The following KCTD1 variants were observed in gnomAD, a reference collection of about 807,000 sequenced individuals.
KCTD1 encodes the protein BTB/POZ domain-containing protein KCTD1.
In KCTD1, 24 loss-of-function variants were observed where a neutral mutation model predicts 66.0. The ratio of observed to expected loss-of-function variants is 0.36; its 90% CI spans 0.26 to 0.51. The LOEUF (loss-of-function observed/expected upper bound fraction) is 0.51. Among genes scored for constraint, KCTD1 ranks in the 20% least tolerant of loss-of-function variants. The pLI is 0.95. For synonymous variants in KCTD1, 511 were observed against 517.2 expected, an observed-to-expected ratio of 0.99 and a Z score of 0.16; for missense variants, 943 against 1,205.2, an observed-to-expected ratio of 0.78 and a Z score of 3.22.
At chr18:26,584,670 G>A (rs1040976746) in intron 1 of KCTD1, among the ~76,000 whole-genome samples, 1 of 152,164 alleles carries the variant, frequency 6.6e-6, no homozygotes, top group Admixed American at 6.5e-5. Flanking sequence ...AGGAATATGA[G>A]AAGTGCTGAG....
chr18:26,581,983 T>C (rs930930050), intron 1 of KCTD1, among the ~76,000 whole-genome samples: 1 of 151,580 alleles, frequency 6.6e-6, no homozygotes, highest in African/African-American at 2.4e-5. Flanking sequence ...AGTATGCAAA[T>C]AGGGCTGGGC....
At chr18:26,513,197 C>T (rs1162111804) in intron 1 of KCTD1, among the ~76,000 whole-genome samples, 2 of 151,350 alleles carry the variant, frequency 1.3e-5, no homozygotes, top group African/African-American at 2.4e-5. Flanking sequence ...ACGCCATTCT[C>T]CTGCCTCAGC....
intron 1 of KCTD1, among the ~76,000 whole-genome samples, chr18:26,613,950 C>A (rs748687784): frequency 1.3e-5 from 2 of 152,200 alleles, no homozygotes; most frequent in Non-Finnish European, 2.9e-5. Context: ...CTGAGCAAGG[C>A]CTTCCCTGCC....
At chr18:26,604,477 C>T (rs945371311) in intron 1 of KCTD1, among the ~76,000 whole-genome samples, 3 of 152,118 alleles carry the variant, frequency 2.0e-5, no homozygotes, top group Non-Finnish European at 2.9e-5. Flanking sequence ...TACTGCAGGA[C>T]TATTCACAAT....
chr18:26,460,930 A>G (rs1980386744), intron 3 of KCTD1: 2 of 152,236 alleles, frequency 1.3e-5, no homozygotes, highest in African/African-American at 2.4e-5. Context: ...TGGGTGTAAG[A>G]TAAGTGGATA....
At chr18:26,555,627 T>G (rs1413209095) in intron 1 of KCTD1, among the ~76,000 whole-genome samples, 1 of 152,216 alleles carries the variant, frequency 6.6e-6, no homozygotes, top group African/African-American at 2.4e-5. Context: ...CAAATGAATT[T>G]TGTGGTATAT....
intron 1 of KCTD1, among the ~76,000 whole-genome samples, chr18:26,649,177 C>T (rs1487818601): frequency 2.0e-5 from 3 of 152,232 alleles, no homozygotes; most frequent in African/African-American, 4.8e-5. Context: ...CCTGGCAGCA[C>T]GTGACTGCCT....
At chr18:26,502,723 C>T (rs931597307) in intron 1 of KCTD1, among the ~76,000 whole-genome samples, 5 of 152,194 alleles carry the variant, frequency 3.3e-5, no homozygotes, top group Non-Finnish European at 7.4e-5. Flanking sequence ...CGATGACACA[C>T]GTATACTCTC....
intron 1 of KCTD1, among the ~76,000 whole-genome samples, chr18:26,603,149 G>T (rs1316234340): frequency 6.6e-6 from 1 of 152,154 alleles, no homozygotes; most frequent in African/African-American, 2.4e-5. Context: ...TTAAATGTAG[G>T]CCAGGCCCAG....
intron 1 of KCTD1, among the ~76,000 whole-genome samples, chr18:26,594,445 C>T (rs758084802): frequency 4.9e-4 from 75 of 152,096 alleles, no homozygotes; most frequent in South Asian, 1.2e-3. Flanking sequence ...TTATATTTAA[C>T]AAATTAAGTC....
intron 1 of KCTD1, among the ~76,000 whole-genome samples, chr18:26,540,378 A>G (rs1052730581): frequency 6.6e-6 from 1 of 152,172 alleles, no homozygotes; most frequent in East Asian, 1.9e-4. Flanking sequence ...CCCAGAATGG[A>G]TCAAAACCTT....
At chr18:26,654,998 C>G (rs1988102960) in intron 1 of KCTD1, among the ~76,000 whole-genome samples, 1 of 152,212 alleles carries the variant, frequency 6.6e-6, no homozygotes, top group Non-Finnish European at 1.5e-5. Context: ...ATCCAGGAGA[C>G]AAACGGATCC....
At chr18:26,537,079 A>C (rs73401436) in intron 1 of KCTD1, among the ~76,000 whole-genome samples, 215 of 152,322 alleles carry the variant, frequency 1.4e-3, no homozygotes, top group African/African-American at 4.9e-3. Flanking sequence ...GGTGAGCGGA[A>C]AAGAAGCTAG....
At chr18:26,578,060 T>TTCTTTTCTTTCTTTC (rs1567999114) in intron 1 of KCTD1, among the ~76,000 whole-genome samples, 7 of 140,880 alleles carry the variant, frequency 5.0e-5, no homozygotes, top group African/African-American at 1.9e-4. Context: ...TTTCTTTCTT[T>TTCTTTTCTTTCTTTC]TTTTTTTTTT....
intron 1 of KCTD1, among the ~76,000 whole-genome samples, chr18:26,647,323 A>C (rs1987942083): frequency 2.5e-5 from 2 of 79,854 alleles, no homozygotes; most frequent in African/African-American, 8.2e-5. Flanking sequence ...CCTGGCCAAG[A>C]TAGTGAAACC....
upstream of KCTD1, chr18:26,549,296 C>T (rs1022791050): frequency 2.1e-5 from 21 of 985,554 alleles, no homozygotes; most frequent in Non-Finnish European, 2.5e-5. Context: ...CTCCCAACTC[C>T]CTTTCCGACT....
chr18:26,521,886 T>A (rs1983930802), intron 1 of KCTD1, among the ~76,000 whole-genome samples: 1 of 152,206 alleles, frequency 6.6e-6, no homozygotes, highest in Non-Finnish European at 1.5e-5. Context: ...GGTCTATACC[T>A]TAATTGGGGC....
At chr18:26,646,183 T>G (rs1177676315) in intron 1 of KCTD1, among the ~76,000 whole-genome samples, 1 of 152,220 alleles carries the variant, frequency 6.6e-6, no homozygotes. Context: ...TTGGATTGAC[T>G]ATTCCTTTGG....
At chr18:26,578,599 C>G (rs1156713703) in intron 1 of KCTD1, among the ~76,000 whole-genome samples, 1 of 152,134 alleles carries the variant, frequency 6.6e-6, no homozygotes. Context: ...TTGGCCATAC[C>G]TGTGGATTCT....
Sources: gnomAD v4.1 joint callset for allele counts (sites outside exome capture counted in the v4.1 genomes callset) on GRCh38, gnomAD v4.1.1 for gene constraint, MANE v1.5 for transcripts, NCBI Gene and HGNC (gene_info 2026-07-23, HGNC 2026-07-21) for gene names.